DNAJC8: variants seen among roughly 807,000 people sequenced by gnomAD.
The protein encoded by DNAJC8 is DnaJ heat shock protein family (Hsp40) member C8.
A neutral mutation model predicts 43.2 loss-of-function variants in DNAJC8; 24 were observed. The observed-to-expected ratio is 0.56, with a 90% confidence interval of 0.40 to 0.78. DNAJC8 has a LOEUF of 0.78. Ranked by LOEUF, DNAJC8 falls within the 30% of genes least tolerant of loss-of-function variation. DNAJC8 has a pLI of 0.00. For synonymous variants in DNAJC8, 83 were observed against 98.0 expected (o/e 0.85, Z 0.90); for missense variants, 207 against 299.4 (o/e 0.69, Z 2.28).
chr1:28,221,310 G>C (rs932200572), intron 2 of DNAJC8, among the ~76,000 whole-genome samples: 2 of 152,018 alleles, frequency 1.3e-5, no homozygotes, highest in Non-Finnish European at 2.9e-5. Flanking sequence ...CTGCACTCCA[G>C]CCTGGGCAAC....
chr1:28,212,272 C>CTT (rs528978849), intron 3 of DNAJC8, among the ~76,000 whole-genome samples: 9 of 90,930 alleles, frequency 9.9e-5, no homozygotes, highest in African/African-American at 3.2e-4. Context: ...TTGTTCTATT[C>CTT]TTTTTTTTTT....
rs572743869 is a variant in DNAJC8, at chr1:28,231,574, G to C, written c.78+1347C>G. 2.0e-3 allele frequency among the ~76,000 whole-genome samples: 302 copies of C among 152,030 alleles called. 1 individual carries two copies. The highest frequency in any genetic ancestry group is 6.8e-3 in the African/African-American group (283 of 41,536). On this transcript the variant is annotated intron_variant, in intron 1 of 8. Coordinates refer to ENST00000263697, the MANE Select transcript of DNAJC8 (RefSeq NM_014280.3). ...TACCAAAAATACAAAAATTAGCCAG[G>C]CGTGGTGGCAGGCGCCTGTAATCCC...
At position 28,212,214 on chromosome 1, in the gene DNAJC8, T is replaced by TAA. The variant is rs1257416375; in HGVS notation, c.238-1579_238-1578dup. ...ATATATATATATATATATATATATA[T>TAA]AAATGAAATTAACTATTCAATATAG... On this transcript the variant is annotated intron_variant, in intron 3 of 8. Transcript: ENST00000263697. Among the ~76,000 whole-genome samples, 51 of 113,528 alleles carry TAA rather than the reference T, an allele frequency of 4.5e-4. 4 individuals are homozygous for TAA. The Admixed American group carries it at 4.7e-3, about 10-fold the overall frequency. 74.5% of individuals were successfully genotyped at this position (113,528 alleles called of 152,430 possible).
intron 3 of DNAJC8, among the ~76,000 whole-genome samples, chr1:28,213,023 C>T (rs1252506276): frequency 6.6e-6 from 1 of 152,138 alleles, no homozygotes; most frequent in African/African-American, 2.4e-5. Flanking sequence ...ACTCTAAATG[C>T]CTTCTGTGTA....
intron 6 of DNAJC8, among the ~76,000 whole-genome samples, chr1:28,205,678 A>G (rs1646763741): frequency 6.6e-6 from 1 of 152,224 alleles, no homozygotes; most frequent in Non-Finnish European, 1.5e-5. Flanking sequence ...ACCTGAGGCC[A>G]GGAGTTCAAG....
At chr1:28,216,808 C>CTTTTTT (rs1178044559) in intron 2 of DNAJC8, among the ~76,000 whole-genome samples, 1 of 131,092 alleles carries the variant, frequency 7.6e-6, no homozygotes, top group East Asian at 2.2e-4. Flanking sequence ...GGGGCGATTT[C>CTTTTTT]TTTTTTTTTT....
chr1:28,210,750 T>G (rs555088044), intron 3 of DNAJC8, 113 bp from the exon 4 acceptor site: 2 of 684,258 alleles, frequency 2.9e-6, no homozygotes, highest in Non-Finnish European at 5.0e-6. Flanking sequence ...AAAGAGACTC[T>G]TAGCAAAAGC....
chr1:28,211,890 TC>T (rs1180759848), intron 3 of DNAJC8, among the ~76,000 whole-genome samples: 2 of 151,872 alleles, frequency 1.3e-5, no homozygotes, highest in Non-Finnish European at 1.5e-5. Context: ...GAGCAGTGGC[TC>T]CCGCCTGTAA....
chr1:28,228,845 G>A, intron 2 of DNAJC8, 77 bp downstream of exon 2: 1 of 1,133,718 alleles, frequency 8.8e-7, no homozygotes, highest in Admixed American at 2.0e-5. Context: ...AATTAGGTAT[G>A]TATTCTGATG....
Position 28,200,889 on chromosome 1 carries a change from A to C in DNAJC8, c.*359T>G, listed in dbSNP as rs1308980678. The C allele has an allele frequency of 2.8e-6, 1 of 360,106 alleles. No individual in the cohort carries two copies. Among genetic ancestry groups the C allele is most frequent in the Admixed American group, 3.9e-5 (1 of 25,884 alleles). The allele number at this position is 360,106 out of a possible 1,614,324, so 22.3% of individuals were successfully genotyped here. A position where few individuals can be genotyped will look rare whatever the true frequency, so the allele number is the denominator to read the frequency against. Reference sequence around the variant, plus strand: ...AAGTCACAGCAACACTGTTTTAAGCAGTATGTTTAATTGGATGATTTCCAC... The same window carrying C: ...AAGTCACAGCAACACTGTTTTAAGCCGTATGTTTAATTGGATGATTTCCAC... On this transcript the variant is annotated 3_prime_UTR_variant, in exon 9 of 9. Transcript: ENST00000263697.
chr1:28,205,021 C>CA (rs967942328), intron 7 of DNAJC8, among the ~76,000 whole-genome samples: 8 of 151,846 alleles, frequency 5.3e-5, no homozygotes, highest in South Asian at 2.1e-4. Flanking sequence ...GACTGTGTCT[C>CA]AAAAAAATAA....
At chr1:28,222,284 G>C (rs1359948152) in intron 2 of DNAJC8, among the ~76,000 whole-genome samples, 2 of 151,894 alleles carry the variant, frequency 1.3e-5, no homozygotes, top group South Asian at 4.2e-4. Flanking sequence ...TCAGGCGTTC[G>C]AGACCAGCCT....
intron 8 of DNAJC8, among the ~76,000 whole-genome samples, chr1:28,202,253 A>C (rs139090698): frequency 3.3e-5 from 5 of 152,226 alleles, no homozygotes; most frequent in African/African-American, 1.2e-4. Context: ...TCGAGGCTAG[A>C]CGTTTAACAT....
intron 6 of DNAJC8, among the ~76,000 whole-genome samples, chr1:28,206,203 A>T (rs1646767337): frequency 2.0e-5 from 3 of 151,936 alleles, no homozygotes; most frequent in Admixed American, 2.0e-4. Context: ...TTTTTAAAAA[A>T]GTATATTATA....
At chr1:28,219,247 G>T (rs374274097) in intron 2 of DNAJC8, among the ~76,000 whole-genome samples, 1 of 152,004 alleles carries the variant, frequency 6.6e-6, no homozygotes, top group Non-Finnish European at 1.5e-5. Context: ...GGCGGCTCAC[G>T]CCTGTAATCC....
intron 6 of DNAJC8, 21 bp downstream of exon 6, chr1:28,208,321 C>G: frequency 6.3e-7 from 1 of 1,592,532 alleles, no homozygotes; most frequent in Non-Finnish European, 8.6e-7. Flanking sequence ...GATACAGTGG[C>G]TTTTCCTATA....
intron 7 of DNAJC8, 106 bp from the exon 8 acceptor site, chr1:28,203,928 C>T: frequency 9.2e-7 from 1 of 1,082,834 alleles, no homozygotes; most frequent in Non-Finnish European, 1.4e-6. Context: ...TAAATCAATT[C>T]CCTAGAAGTC....
intron 2 of DNAJC8, among the ~76,000 whole-genome samples, chr1:28,219,492 G>C (rs1646884422): frequency 6.6e-6 from 1 of 152,154 alleles, no homozygotes; most frequent in East Asian, 1.9e-4. Flanking sequence ...CTGGGCAACA[G>C]AGTGAGACTC....
At chr1:28,228,770 A>C in intron 2 of DNAJC8, 152 bp downstream of exon 2, 1 of 591,304 alleles carries the variant, frequency 1.7e-6, no homozygotes. Context: ...AGGAATACTC[A>C]ATTTTGTACT....
Sources: gnomAD v4.1 joint callset for allele counts (sites outside exome capture counted in the v4.1 genomes callset) on GRCh38, gnomAD v4.1.1 for gene constraint, MANE v1.5 for transcripts, NCBI Gene and HGNC (gene_info 2026-07-23, HGNC 2026-07-21) for gene names.